The following EDIL3 variants were observed in gnomAD, a reference collection of about 807,000 sequenced individuals.
EDIL3 encodes EGF like and discoidin domains 3, also known as EGF-like repeat and discoidin I-like domain-containing protein 3.
In EDIL3, 37 loss-of-function variants were observed where a neutral mutation model predicts 67.4. That is an observed-to-expected ratio of 0.55 (90% confidence interval 0.42 to 0.72). EDIL3 has a LOEUF of 0.72. EDIL3 is among the 30% of genes least tolerant of loss of function. The pLI is 0.00. For synonymous variants in EDIL3, 195 were observed against 196.3 expected (o/e 0.99, Z 0.05); for missense variants, 527 against 586.3 (o/e 0.90, Z 1.04).
intron 3 of EDIL3, among the ~76,000 whole-genome samples, chr5:84,220,609 G>C (rs1316751595): frequency 6.6e-6 from 1 of 152,108 alleles, no homozygotes; most frequent in African/African-American, 2.4e-5. Flanking sequence ...TTCATTGATT[G>C]GTGACCTAGT....
intron 5 of EDIL3, among the ~76,000 whole-genome samples, chr5:84,124,960 G>A (rs73769732): frequency 0.032 from 4,821 of 151,952 alleles, 242 homozygotes; most frequent in African/African-American, 0.11. Flanking sequence ...ACCTTTTCAT[G>A]CACAATCCCT....
chr5:84,370,941 A>C (rs1278598521), intron 1 of EDIL3, among the ~76,000 whole-genome samples: 1 of 152,082 alleles, frequency 6.6e-6, no homozygotes, highest in African/African-American at 2.4e-5. Context: ...GCATGCATAA[A>C]GTCAGAAAAT....
intron 9 of EDIL3, among the ~76,000 whole-genome samples, chr5:84,001,798 A>G (rs2112170184): frequency 6.6e-6 from 1 of 152,274 alleles, no homozygotes; most frequent in African/African-American, 2.4e-5. Context: ...AGGGGACTTA[A>G]TGGCTTCACT....
intron 1 of EDIL3, among the ~76,000 whole-genome samples, chr5:84,298,056 T>C (rs559420755): frequency 6.6e-6 from 1 of 152,280 alleles, no homozygotes; most frequent in Non-Finnish European, 1.5e-5. Flanking sequence ...ATGTCAGACA[T>C]GCAAGCCCTG....
chr5:84,286,111 G>T (rs528194210), intron 1 of EDIL3, among the ~76,000 whole-genome samples: 1 of 152,256 alleles, frequency 6.6e-6, no homozygotes, highest in South Asian at 2.1e-4. Flanking sequence ...TCTGTAGTCA[G>T]GCTGCATAAA....
intron 1 of EDIL3, among the ~76,000 whole-genome samples, chr5:84,271,978 GT>G (rs1745480906): frequency 1.3e-5 from 2 of 152,024 alleles, no homozygotes; most frequent in South Asian, 4.1e-4. Context: ...ATTTTAAAAA[GT>G]TTTGTTTTGT....
At chr5:84,205,134 T>G (rs1015523811) in intron 3 of EDIL3, among the ~76,000 whole-genome samples, 1 of 151,152 alleles carries the variant, frequency 6.6e-6, no homozygotes, top group Non-Finnish European at 1.5e-5. Flanking sequence ...CAGGCTAGTC[T>G]CAAAATCCTG....
intron 1 of EDIL3, among the ~76,000 whole-genome samples, chr5:84,283,159 GCTGA>G (rs767067823): frequency 1.3e-5 from 2 of 152,004 alleles, no homozygotes; most frequent in Non-Finnish European, 2.9e-5. Context: ...ATATAAAAGA[GCTGA>G]CTATAAATGT....
chr5:84,081,677 A>C (rs1196799320), intron 6 of EDIL3, among the ~76,000 whole-genome samples: 2 of 152,204 alleles, frequency 1.3e-5, no homozygotes, highest in African/African-American at 4.8e-5. Context: ...GCCAATAAGC[A>C]TTGGCTCTTT....
chr5:84,338,428 C>T (rs962368944), intron 1 of EDIL3, among the ~76,000 whole-genome samples: 1 of 152,142 alleles, frequency 6.6e-6, no homozygotes, highest in African/African-American at 2.4e-5. Context: ...AAGTTGTAGC[C>T]TGAGGTCAAG....
At chr5:84,309,566 TCCCAC>T (rs1423953719) in intron 1 of EDIL3, among the ~76,000 whole-genome samples, 13 of 151,728 alleles carry the variant, frequency 8.6e-5, no homozygotes. Flanking sequence ...ATTGTTCAAT[TCCCAC>T]CTATGAGCGA....
In EDIL3 at chr5:84,080,115, C is replaced by CA. The variant is rs10566347; in HGVS notation, c.652-13510dup. On this transcript the variant is annotated intron_variant, in intron 6 of 10. Transcript: ENST00000296591. Reference sequence around the variant, plus strand: ...TGAAACCCCGTCTCTACTAAAAATACAAAAAAAAAAAAAAAAAAAAAAAAA... The same window carrying CA: ...TGAAACCCCGTCTCTACTAAAAATACAAAAAAAAAAAAAAAAAAAAAAAAAA... Among the ~76,000 whole-genome samples, 228 of 52,856 alleles carry CA rather than the reference C, an allele frequency of 4.3e-3. 1 individual carries two copies. The highest frequency in any genetic ancestry group is 5.4e-3 in the Non-Finnish European group (159 of 29,570). The allele number at this position is 52,856 out of a possible 152,430, so 34.7% of individuals were successfully genotyped here.
At chr5:84,179,776 T>C (rs145263131) in intron 4 of EDIL3, among the ~76,000 whole-genome samples, 1 of 152,230 alleles carries the variant, frequency 6.6e-6, no homozygotes, top group African/African-American at 2.4e-5. Context: ...ACACCTACAG[T>C]GCTAAGGCAC....
chr5:84,070,606 AGTGTGTGTGTGTGTGTGTGT>A (rs35930293), intron 6 of EDIL3, among the ~76,000 whole-genome samples: 11 of 144,652 alleles, frequency 7.6e-5, no homozygotes, highest in African/African-American at 2.8e-4. Context: ...TATGGTTAAG[AGTGTGTGTGTGTGTGTGTGT>A]GTGTGTGTGT....
At chr5:84,379,978 T>C (rs1250659960) in intron 1 of EDIL3, among the ~76,000 whole-genome samples, 2 of 152,058 alleles carry the variant, frequency 1.3e-5, no homozygotes, top group Non-Finnish European at 2.9e-5. Flanking sequence ...ACTTTTCCCT[T>C]CAACAACTTG....
Position 84,046,399 on chromosome 5 carries a change from C to A in EDIL3, c.1137+13901G>T, listed in dbSNP as rs1746225939. 2.0e-5 allele frequency among the ~76,000 whole-genome samples: 3 copies of A among 152,136 alleles called. No individual in the cohort carries two copies. The South Asian group carries it at 6.2e-4, about 32-fold the overall frequency. On this transcript the variant is annotated intron_variant, in intron 9 of 10. Coordinates refer to ENST00000296591, the MANE Select transcript of EDIL3 (RefSeq NM_005711.5). ...ATCCCCTGAAAAAAATGAGTCACTT[C>A]AATCATTATAATAGTCTAGAAAATA...
At chr5:83,984,994 G>A (rs1052352572) in intron 9 of EDIL3, among the ~76,000 whole-genome samples, 8 of 151,024 alleles carry the variant, frequency 5.3e-5, no homozygotes, top group South Asian at 4.2e-4. Flanking sequence ...AAACATGCAC[G>A]CTGAACAAGC....
intron 4 of EDIL3, among the ~76,000 whole-genome samples, chr5:84,173,865 G>A (rs1748855438): frequency 2.0e-5 from 3 of 152,148 alleles, no homozygotes; most frequent in Admixed American, 2.0e-4. Flanking sequence ...AATTAGGAGT[G>A]AAGCATGCTA....
chr5:84,023,948 A>G lies in EDIL3; in HGVS notation c.1137+36352T>C, dbSNP rs75420136. Among the ~76,000 whole-genome samples the G allele has an allele frequency of 2.3e-3, 353 of 152,330 alleles. 2 individuals carry two copies. Among genetic ancestry groups the G allele is most frequent in the African/African-American group, 8.2e-3 (343 of 41,590 alleles). On this transcript the variant is annotated intron_variant, in intron 9 of 10. Transcript: ENST00000296591. ...TTTCTGTAAAGCTGAAAAGCAGATT[A>G]AATTTGAATAATTAATTTTAATGTT...
Sources: allele counts gnomAD v4.1 joint callset (sites outside exome capture counted in the v4.1 genomes callset), GRCh38; gene constraint gnomAD v4.1.1; transcripts MANE v1.5; gene names NCBI Gene and HGNC (gene_info 2026-07-23, HGNC 2026-07-21).